Variants in ZFYVE9 observed in about 807,000 individuals in gnomAD.
ZFYVE9 encodes the protein zinc finger FYVE-type containing 9.
A neutral mutation model predicts 126.7 loss-of-function variants in ZFYVE9; 43 were observed. The ratio of observed to expected loss-of-function variants is 0.34; its 90% CI spans 0.27 to 0.44. The LOEUF (loss-of-function observed/expected upper bound fraction) is 0.44. Among genes scored for constraint, ZFYVE9 ranks in the 20% least tolerant of loss-of-function variants. The pLI, the probability that ZFYVE9 is intolerant of heterozygous loss-of-function variation, is 1.00. For synonymous variants in ZFYVE9, 521 were observed against 597.4 expected, an observed-to-expected ratio of 0.87 and a Z score of 1.87; for missense variants, 1,476 against 1,697.0, an observed-to-expected ratio of 0.87 and a Z score of 2.29.
intron 2 of ZFYVE9, among the ~76,000 whole-genome samples, chr1:52,230,524 TA>T (rs113889971): frequency 0.027 from 3,487 of 131,198 alleles, 71 homozygotes; most frequent in East Asian, 0.16. Flanking sequence ...TCCTGGAACT[TA>T]AAAAAAAAAA....
At chr1:52,182,827 TAAAAC>T (rs1644725662) in intron 1 of ZFYVE9, among the ~76,000 whole-genome samples, 1 of 151,770 alleles carries the variant, frequency 6.6e-6, no homozygotes, top group African/African-American at 2.4e-5. Context: ...AAAAAAAAAA[TAAAAC>T]CAGCTATTGG....
intron 1 of ZFYVE9, among the ~76,000 whole-genome samples, chr1:52,195,532 G>A (rs1644851719): frequency 6.6e-6 from 1 of 152,074 alleles, no homozygotes; most frequent in South Asian, 2.1e-4. Flanking sequence ...TATACATCTT[G>A]GAGGGCCTAA....
Position 52,293,685 on chromosome 1 carries a change from G to A in ZFYVE9, c.3250+8G>A, listed in dbSNP as rs776440572. The A allele has an allele frequency of 6.2e-7, 1 of 1,611,178 alleles. No homozygotes were observed. The highest frequency in any genetic ancestry group is 1.1e-5 in the South Asian group (1 of 90,838). ...TTGGAGCTGAATATCGACGTAAGTAGTAAAAACACGTTTTTCAAGGCATGA... is the reference window on the plus strand; with the variant it reads ...TTGGAGCTGAATATCGACGTAAGTAATAAAAACACGTTTTTCAAGGCATGA... On this transcript the variant is annotated splice_region_variant and intron_variant, in intron 11 of 18. Transcript: ENST00000287727.
At chr1:52,183,326 A>G (rs1354750587) in intron 1 of ZFYVE9, among the ~76,000 whole-genome samples, 1 of 152,208 alleles carries the variant, frequency 6.6e-6, no homozygotes. Context: ...TTTGGGATAT[A>G]TGTTTGTTGT....
At position 52,146,076 on chromosome 1, in the gene ZFYVE9, TAAA is replaced by T. The variant is rs550417397; in HGVS notation, c.-143+3676_-143+3678del. Among the ~76,000 whole-genome samples the T allele has an allele frequency of 3.1e-4, 45 of 146,110 alleles. 1 individual carries two copies. In the South Asian group the frequency reaches 9.5e-3, roughly 31 times the overall value. On this transcript the variant is annotated intron_variant, in intron 1 of 18. Coordinates refer to ENST00000287727, the MANE Select transcript of ZFYVE9 (RefSeq NM_004799.4). Reference sequence around the variant, plus strand: ...ACACACAAAAGTAATCATACAATAATAAAAATAATACAAATAAAAACCCAATAC... The same window carrying T: ...ACACACAAAAGTAATCATACAATAATAATAATACAAATAAAAACCCAATAC...
chr1:52,187,553 A>G (rs945860751), intron 1 of ZFYVE9, among the ~76,000 whole-genome samples: 2 of 152,230 alleles, frequency 1.3e-5, no homozygotes, highest in Non-Finnish European at 2.9e-5. Flanking sequence ...TTTGCAAACT[A>G]TGCATCTGAC....
At chr1:52,229,252 G>A (rs183191308) in intron 2 of ZFYVE9, among the ~76,000 whole-genome samples, 13 of 152,204 alleles carry the variant, frequency 8.5e-5, no homozygotes, top group Admixed American at 8.5e-4. Context: ...TGATTAAATC[G>A]GCTAAATGTT....
intron 17 of ZFYVE9, among the ~76,000 whole-genome samples, chr1:52,343,445 C>G (rs1389072186): frequency 1.4e-5 from 2 of 146,862 alleles, no homozygotes; most frequent in Non-Finnish European, 3.0e-5. Flanking sequence ...GACTCCATCT[C>G]AAAAAAAAAG....
At chr1:52,263,577 C>G (rs930718281) in intron 4 of ZFYVE9, among the ~76,000 whole-genome samples, 196 bp from the exon 5 acceptor site, 1 of 152,092 alleles carries the variant, frequency 6.6e-6, no homozygotes, top group Non-Finnish European at 1.5e-5. Context: ...TTTCCCATTT[C>G]TTTATTGTTG....
intron 1 of ZFYVE9, among the ~76,000 whole-genome samples, chr1:52,149,728 C>T (rs371300167): frequency 6.6e-6 from 1 of 152,042 alleles, no homozygotes; most frequent in Non-Finnish European, 1.5e-5. Context: ...CTCCTGACCT[C>T]GTGATCCACC....
chr1:52,263,532 G>A (rs971342792), intron 4 of ZFYVE9, among the ~76,000 whole-genome samples: 2 of 152,070 alleles, frequency 1.3e-5, no homozygotes, highest in African/African-American at 4.8e-5. Context: ...TATTTGCCAC[G>A]TGATCTTAGT....
At chr1:52,333,146 TAGG>T (rs1364835942) in intron 14 of ZFYVE9, among the ~76,000 whole-genome samples, 1 of 151,856 alleles carries the variant, frequency 6.6e-6, no homozygotes, top group African/African-American at 2.4e-5. Context: ...AATATGCCCT[TAGG>T]AGGGAGGGAT....
At position 52,321,615 on chromosome 1, in the gene ZFYVE9, C is replaced by T. The variant is rs552867154; in HGVS notation, c.3439-11153C>T. Among the ~76,000 whole-genome samples, 13 of 152,304 alleles carry T rather than the reference C, an allele frequency of 8.5e-5. No homozygotes were observed. The South Asian group carries it at 2.7e-3, about 32-fold the overall frequency. On this transcript the variant is annotated intron_variant, in intron 13 of 18. Transcript: ENST00000287727. ...ATAGTACTGTCTTCTCTCTTGTGTA[C>T]ATGCCCATTGACAGGAGTGGTTCTA...
At chr1:52,263,224 G>T (rs1237455707) in intron 4 of ZFYVE9, among the ~76,000 whole-genome samples, 1 of 152,140 alleles carries the variant, frequency 6.6e-6, no homozygotes, top group South Asian at 2.1e-4. Flanking sequence ...ATTGCCTGCT[G>T]TGATTTCCTG....
Position 52,266,671 on chromosome 1 carries a change from CATG to C in ZFYVE9, c.2300_2302del (p.Met767del). ...TTGCTTTAGCTCAAGCCTGGGAGAA[CATG>C]ATGAGTGCCTCAAGCCAGAGCCCTA... is the stretch of plus-strand genomic sequence containing the variant. On this transcript the variant is annotated inframe_deletion, in exon 6 of 19. Transcript: ENST00000287727. 1 of 1,595,288 alleles carries C rather than the reference CATG, an allele frequency of 6.3e-7. No homozygotes were observed. The highest frequency in any genetic ancestry group is 8.5e-7 in the Non-Finnish European group (1 of 1,172,318).
At chr1:52,320,549 A>G (rs961243821) in intron 13 of ZFYVE9, among the ~76,000 whole-genome samples, 3 of 152,228 alleles carry the variant, frequency 2.0e-5, no homozygotes, top group Non-Finnish European at 2.9e-5. Flanking sequence ...TTGAACAAAA[A>G]TGGTCTTTAT....
At chr1:52,335,729 T>C (rs140605356) in intron 15 of ZFYVE9, among the ~76,000 whole-genome samples, 221 of 152,254 alleles carry the variant, frequency 1.5e-3, no homozygotes, top group Non-Finnish European at 2.6e-3. Flanking sequence ...AAGATAGCAT[T>C]GTAGAAAAAT....
chr1:52,295,470 C>T lies in ZFYVE9; in HGVS notation c.3251-425C>T, dbSNP rs190681210. Among the ~76,000 whole-genome samples, 194 of 152,118 alleles carry T rather than the reference C, an allele frequency of 1.3e-3. 4 individuals are homozygous for T. Among genetic ancestry groups the T allele is most frequent in the South Asian group, 2.1e-4 (1 of 4,814 alleles). The stretch of plus-strand genomic sequence containing the variant: ...ACCTGGGCTCAAGCCATCCTTCTAC[C>T]TCTCAGCCTCCCAAGTAGATGGGAC... On this transcript the variant is annotated intron_variant, in intron 11 of 18. Coordinates refer to ENST00000287727, the MANE Select transcript of ZFYVE9 (RefSeq NM_004799.4).
At chr1:52,311,670 C>G (rs993527509) in intron 13 of ZFYVE9, among the ~76,000 whole-genome samples, 3 of 152,160 alleles carry the variant, frequency 2.0e-5, no homozygotes, top group African/African-American at 7.2e-5. Flanking sequence ...AATCACGTGT[C>G]AAATAACTAG....
Sources: allele counts gnomAD v4.1 joint callset (sites outside exome capture counted in the v4.1 genomes callset), GRCh38; gene constraint gnomAD v4.1.1; transcripts MANE v1.5; gene names NCBI Gene and HGNC (gene_info 2026-07-23, HGNC 2026-07-21).